Variants in SAFB observed in about 807,000 individuals in gnomAD.
SAFB encodes the protein scaffold attachment factor B.
Under a neutral mutation model 101.6 loss-of-function variants are expected in SAFB, and 15 were observed. The ratio of observed to expected loss-of-function variants is 0.15; its 90% CI spans 0.10 to 0.23. The LOEUF (loss-of-function observed/expected upper bound fraction) is 0.23, where lower values mean the gene tolerates loss of function less well. SAFB is among the 10% of genes least tolerant of loss of function. The pLI is 1.00. For synonymous variants in SAFB, 449 were observed against 407.5 expected (o/e 1.10, Z -1.23); for missense variants, 930 against 1,104.1 (o/e 0.84, Z 2.23).
At chr19:5,663,946 G>A in intron 15 of SAFB, 76 bp from the exon 16 acceptor site, 1 of 1,500,378 alleles carries the variant, frequency 6.7e-7, no homozygotes, top group Non-Finnish European at 9.1e-7. Context: ...GAAGTGCTAG[G>A]GGCCAGCTCC....
At chr19:5,666,987 T>G in intron 17 of SAFB, 59 bp from the exon 18 acceptor site, 1 of 1,050,940 alleles carries the variant, frequency 9.5e-7, no homozygotes, top group Non-Finnish European at 1.5e-6. Flanking sequence ...CTGAAAAGCC[T>G]TGGGGTCTGG....
At position 5,653,418 on chromosome 19, in the gene SAFB, C is replaced by A; in HGVS notation, c.1524C>A (p.Asp508Glu). The A allele has an allele frequency of 6.2e-7, 1 of 1,613,584 alleles. No homozygotes were observed. Among genetic ancestry groups the A allele is most frequent in the Non-Finnish European group, 8.5e-7 (1 of 1,179,570 alleles). ...DGKKEKSSNS[D>E]RSTNLKRDDK... ...AAAAGGAGAAGTCGAGCAACAGTGA[C>A]AGGTACCCCTCCTTCCTGGCTAAAT... Residue 508 changes from aspartate (D) to glutamate (E), a missense_variant and splice_region_variant, in exon 11 of 21, where the codon GAC (aspartate) becomes GAA (glutamate). This residue lies in a region of SAFB where 92 missense variants were observed against 83.8 expected (regional missense o/e 1.10). Transcript: ENST00000588852.
chr19:5,654,293 A>G, intron 12 of SAFB, 75 bp from the exon 13 acceptor site: 1 of 1,584,792 alleles, frequency 6.3e-7, no homozygotes, highest in Non-Finnish European at 8.7e-7. Context: ...CGGAAACTGG[A>G]TTCATGTTGC....
rs750704334 is a variant in SAFB at position 5,668,433 on chromosome 19, GTT to G, written c.*153_*154del. The G allele has an allele frequency of 2.9e-4, 196 of 665,952 alleles. No homozygotes were observed. The highest frequency in any genetic ancestry group is 4.6e-4 in the South Asian group (19 of 41,292). 41.3% of individuals were successfully genotyped at this position (665,952 alleles called of 1,614,324 possible). A position where few individuals can be genotyped will look rare whatever the true frequency, so the allele number is the denominator to read the frequency against. On this transcript the variant is annotated 3_prime_UTR_variant, in exon 21 of 21. Transcript: ENST00000588852. ...ATGTGAATTTGTTTTTCGTTTTGGGGTTTTTTTTTTTTGTAATAAATGTGTTT... is the reference window on the plus strand; with the variant it reads ...ATGTGAATTTGTTTTTCGTTTTGGGGTTTTTTTTTTGTAATAAATGTGTTT...
In SAFB at chr19:5,627,437, C is replaced by T. The variant is rs151000399; in HGVS notation, c.274+948C>T. Among the ~76,000 whole-genome samples the T allele has an allele frequency of 2.9e-4, 44 of 152,296 alleles. 1 individual carries two copies. The highest frequency in any genetic ancestry group is 1.0e-3 in the African/African-American group (42 of 41,570). ...GAGCTATCATGGCACCACTGAACTC[C>T]AACATGGAGTCCAAAAAGTAGGACT... On this transcript the variant is annotated intron_variant, in intron 2 of 20. Transcript: ENST00000588852.
At chr19:5,655,445 G>GAC (rs2054034922) in intron 13 of SAFB, among the ~76,000 whole-genome samples, 1 of 143,464 alleles carries the variant, frequency 7.0e-6, no homozygotes, top group East Asian at 2.0e-4. Context: ...GGGAGAGAGA[G>GAC]TGAGACCCCA....
chr19:5,623,504 C>A, intron 1 of SAFB, 110 bp downstream of exon 1: 1 of 865,064 alleles, frequency 1.2e-6, no homozygotes, highest in Non-Finnish European at 1.7e-6. Flanking sequence ...GCGGCCTCGC[C>A]GGACCTGGCG....
chr19:5,640,065 G>C (rs887164467), intron 2 of SAFB, among the ~76,000 whole-genome samples: 1 of 151,932 alleles, frequency 6.6e-6, no homozygotes, highest in Admixed American at 6.6e-5. Context: ...TGTCAGTCAG[G>C]CTAGTCCCGA....
At chr19:5,632,866 G>A (rs2053519488) in intron 2 of SAFB, among the ~76,000 whole-genome samples, 1 of 152,196 alleles carries the variant, frequency 6.6e-6, no homozygotes, top group African/African-American at 2.4e-5. Context: ...GCCTCCCAAA[G>A]AGTTGGGATT....
chr19:5,648,322 G>A, intron 6 of SAFB: 1 of 440,806 alleles, frequency 2.3e-6, no homozygotes. Flanking sequence ...CATACATAGA[G>A]AAAGAGTTCC....
intron 1 of SAFB, among the ~76,000 whole-genome samples, chr19:5,624,882 C>T (rs925477278): frequency 1.4e-4 from 21 of 152,084 alleles, no homozygotes; most frequent in African/African-American, 2.4e-5. Flanking sequence ...TGGAGATTGG[C>T]GGCTGGTCAG....
In SAFB at chr19:5,653,524, T is replaced by C. The variant is rs1284832115; in HGVS notation, c.1526+104T>C. On this transcript the variant is annotated intron_variant, in intron 11 of 20. Transcript: ENST00000588852. The stretch of plus-strand genomic sequence containing the variant: ...CTCTGTCGCCCAGACTGGAGTGCAG[T>C]GGTGTGATCTCGGCTCACCTCAACT... The C allele has an allele frequency of 3.1e-6, 3 of 971,442 alleles. No individual in the cohort carries two copies. The Admixed American group carries it at 6.7e-5, about 22-fold the overall frequency. The allele number at this position is 971,442 out of a possible 1,614,324, so 60.2% of individuals were successfully genotyped here.
At chr19:5,665,778 A>G (rs1254263132) in intron 17 of SAFB, 1 of 152,270 alleles carries the variant, frequency 6.6e-6, no homozygotes, top group Non-Finnish European at 1.5e-5. Flanking sequence ...AGAGAAAACT[A>G]GCACAGAACT....
rs1299608597 is a variant in SAFB at position 5,667,564 on chromosome 19, A to G, written c.2557+114A>G. 1.2e-6 allele frequency: 1 copy of G among 807,342 alleles called. No individual in the cohort carries two copies. Among genetic ancestry groups the G allele is most frequent in the Non-Finnish European group, 2.0e-6 (1 of 502,788 alleles). 50.0% of individuals were successfully genotyped at this position (807,342 alleles called of 1,614,324 possible). ...GAGGTGCTCTGCTCTCAGTGCTGGA[A>G]TGAGGAATGAAGAGCACTCCAGACA... On this transcript the variant is annotated intron_variant, in intron 19 of 20. Coordinates refer to ENST00000588852, the MANE Select transcript of SAFB (RefSeq NM_001201338.2). The surrounding 1 kb of genome is among the most constrained non-coding windows in gnomAD (Gnocchi z 4.0).
At chr19:5,628,983 G>C (rs553716435) in intron 2 of SAFB, among the ~76,000 whole-genome samples, 1 of 152,264 alleles carries the variant, frequency 6.6e-6, no homozygotes, top group Non-Finnish European at 1.5e-5. Flanking sequence ...CTCAGATGGA[G>C]GGTAGTCGCG....
At chr19:5,649,602 C>T (rs551971483) in intron 7 of SAFB, 103 bp downstream of exon 7, 6,063 of 510,288 alleles carry the variant, frequency 0.012, 51 homozygotes, top group Non-Finnish European at 0.017. Flanking sequence ...GCCAGACTGA[C>T]GAAATTGTAG....
Position 5,623,377 on chromosome 19 carries a change from A to G in SAFB, c.172A>G (p.Met58Val). ...CTCGAGCGGCAACAAGAGCGTTTTG[A>G]TGGAGCGGCTGAAGAAGGTGGATTT... Reference protein sequence around the residue: ...VDSSGNKSVLMERLKKAIEDE... With the variant: ...VDSSGNKSVLVERLKKAIEDE... The change falls in exon 1 of 21, where the codon ATG (methionine) becomes GTG (valine). Residue 58 changes from methionine (M) to valine (V), a missense_variant. Transcript: ENST00000588852. 1 of 1,613,684 alleles carries G rather than the reference A, an allele frequency of 6.2e-7. No individual in the cohort carries two copies. The highest frequency in any genetic ancestry group is 1.1e-5 in the South Asian group (1 of 91,080).
intron 2 of SAFB, among the ~76,000 whole-genome samples, chr19:5,629,734 G>T (rs891231749): frequency 6.6e-6 from 1 of 152,188 alleles, no homozygotes; most frequent in Non-Finnish European, 1.5e-5. Flanking sequence ...CCAAGGATAT[G>T]GCCCTTTATT....
intron 2 of SAFB, among the ~76,000 whole-genome samples, chr19:5,633,584 C>A (rs914801024): frequency 1.3e-5 from 2 of 152,058 alleles, no homozygotes; most frequent in Non-Finnish European, 2.9e-5. Flanking sequence ...TCGAGACCAT[C>A]CTGGCTAACA....
Sources: gnomAD v4.1 joint callset for allele counts (sites outside exome capture counted in the v4.1 genomes callset) on GRCh38, gnomAD v4.1.1 for gene constraint, gnomAD v4.1.1 regional missense constraint, Gnocchi (gnomAD v3.1) non-coding constraint, MANE v1.5 for transcripts, NCBI Gene and HGNC (gene_info 2026-07-23, HGNC 2026-07-21) for gene names.